Variants in DSCAM observed in about 807,000 individuals in gnomAD.
DSCAM encodes the protein cell adhesion molecule DSCAM.
A neutral mutation model predicts 217.7 loss-of-function variants in DSCAM; 47 were observed. The ratio of observed to expected loss-of-function variants is 0.22; its 90% CI spans 0.17 to 0.28. DSCAM has a LOEUF of 0.28. Among genes scored for constraint, DSCAM ranks in the 10% least tolerant of loss-of-function variants. DSCAM has a pLI of 1.00. For missense variants in DSCAM, 2,080 were observed against 2,618.3 expected, an observed-to-expected ratio of 0.79 and a Z score of 4.49; for synonymous variants, 1,056 against 1,015.3, an observed-to-expected ratio of 1.04 and a Z score of -0.76.
intron 3 of DSCAM, among the ~76,000 whole-genome samples, chr21:40,638,161 T>G (rs1281076841): frequency 6.6e-6 from 1 of 152,220 alleles, no homozygotes; most frequent in Non-Finnish European, 1.5e-5. Context: ...TTTGTCTTAA[T>G]CTTTGATTTG....
intron 3 of DSCAM, among the ~76,000 whole-genome samples, chr21:40,415,503 A>G (rs1231094488): frequency 6.6e-6 from 1 of 152,252 alleles, no homozygotes. Context: ...GATGCTGAGG[A>G]GTGAGACCAA....
chr21:40,589,487 A>G (rs2076969301), intron 3 of DSCAM, among the ~76,000 whole-genome samples: 1 of 152,140 alleles, frequency 6.6e-6, no homozygotes, highest in African/African-American at 2.4e-5. Flanking sequence ...GAAGCAGGAG[A>G]ATTGCTTGAA....
intron 1 of DSCAM, among the ~76,000 whole-genome samples, chr21:40,741,711 A>G (rs2091125903): frequency 6.6e-6 from 1 of 152,228 alleles, no homozygotes; most frequent in East Asian, 1.9e-4. Flanking sequence ...GTAATACTGC[A>G]GCCCCATCCA....
At chr21:40,771,657 G>C (rs958828354) in intron 1 of DSCAM, among the ~76,000 whole-genome samples, 3 of 152,164 alleles carry the variant, frequency 2.0e-5, no homozygotes, top group African/African-American at 7.2e-5. Context: ...TAAATCAAGA[G>C]CCAGCGAAAG....
At chr21:40,842,333 GGAAATCGAAGTGCTCATTTCC>G (rs1475252373) in intron 1 of DSCAM, among the ~76,000 whole-genome samples, 3 of 152,216 alleles carry the variant, frequency 2.0e-5, no homozygotes, top group Non-Finnish European at 4.4e-5. Flanking sequence ...TGGAAACCGA[GGAAATCGAAGTGCTCATTTCC>G]GAAATACTAT....
At chr21:40,677,003 G>C (rs1174191692) in intron 3 of DSCAM, among the ~76,000 whole-genome samples, 10 of 152,030 alleles carry the variant, frequency 6.6e-5, no homozygotes, top group Non-Finnish European at 1.5e-4. Flanking sequence ...CAATGATAGG[G>C]TTTCAATTCA....
rs561795728 is a variant in DSCAM at position 40,782,063 on chromosome 21, C to G, written c.43+64556G>C. 4.0e-5 allele frequency among the ~76,000 whole-genome samples: 6 copies of G among 150,966 alleles called. 1 individual carries two copies. The highest frequency in any genetic ancestry group is 2.0e-4 in the Admixed American group (3 of 15,174). ...GCGGGCGCCTGCAGTACCAACTACT[C>G]GGGAGGCTGAGGCAGGAGAATGGCG... On this transcript the variant is annotated intron_variant, in intron 1 of 32. Transcript: ENST00000400454.
At chr21:40,178,154 T>C (rs2090753285) in intron 15 of DSCAM, among the ~76,000 whole-genome samples, 1 of 152,218 alleles carries the variant, frequency 6.6e-6, no homozygotes, top group African/African-American at 2.4e-5. Context: ...TCATGGACCA[T>C]TGCCTGATTG....
chr21:40,487,273 CTG>C (rs1232285002), intron 3 of DSCAM, among the ~76,000 whole-genome samples: 3 of 150,616 alleles, frequency 2.0e-5, no homozygotes, highest in African/African-American at 4.9e-5. Context: ...CTCTCTCTCT[CTG>C]TGTGTGTGCA....
At chr21:40,252,595 G>A (rs902539581) in intron 11 of DSCAM, among the ~76,000 whole-genome samples, 1 of 152,150 alleles carries the variant, frequency 6.6e-6, no homozygotes, top group Non-Finnish European at 1.5e-5. Flanking sequence ...GGGAACCTGT[G>A]TAATTGTTAT....
In DSCAM at chr21:40,062,785, T is replaced by C. The variant is rs926153579; in HGVS notation, c.4919+84A>G. ...AGACATTATCAATTTCAGACTGCCA[T>C]TATTAAAAAAATAGAAATCATCAAG... On this transcript the variant is annotated intron_variant, in intron 28 of 32. Transcript: ENST00000400454. The C allele has an allele frequency of 2.3e-6, 3 of 1,302,186 alleles. No individual in the cohort carries two copies. In the African/African-American group the frequency reaches 4.6e-5, roughly 20 times the overall value. 80.7% of individuals were successfully genotyped at this position (1,302,186 alleles called of 1,614,324 possible).
intron 27 of DSCAM, among the ~76,000 whole-genome samples, chr21:40,074,645 T>A (rs2089338891): frequency 6.6e-6 from 1 of 152,178 alleles, no homozygotes; most frequent in South Asian, 2.1e-4. Flanking sequence ...AGCCCTCAAT[T>A]TCCACTTCCA....
intron 2 of DSCAM, among the ~76,000 whole-genome samples, chr21:40,695,151 T>G (rs1297074903): frequency 6.6e-6 from 1 of 152,124 alleles, no homozygotes; most frequent in Non-Finnish European, 1.5e-5. Context: ...AGGATAATTT[T>G]TAATAGAAAT....
chr21:40,504,527 A>T (rs375181618), intron 3 of DSCAM, among the ~76,000 whole-genome samples: 2 of 152,194 alleles, frequency 1.3e-5, no homozygotes, highest in African/African-American at 2.4e-5. Flanking sequence ...ACAAGCTTTA[A>T]CCTGTCAGCA....
chr21:40,286,485 T>C (rs113354569), intron 10 of DSCAM, among the ~76,000 whole-genome samples: 2,128 of 152,316 alleles, frequency 0.014, 52 homozygotes, highest in African/African-American at 0.048. Flanking sequence ...TTGGAGGACC[T>C]GAAAACTCAG....
At chr21:40,674,626 CTTTTTCTTT>C (rs2090315454) in intron 3 of DSCAM, among the ~76,000 whole-genome samples, 3 of 105,896 alleles carry the variant, frequency 2.8e-5, no homozygotes, top group Non-Finnish European at 1.8e-5. Flanking sequence ...TTTTCTTTTT[CTTTTTCTTT>C]TTTTTTTTTT....
chr21:40,671,672 G>A (rs1287583909), intron 3 of DSCAM, among the ~76,000 whole-genome samples: 3 of 116,486 alleles, frequency 2.6e-5, no homozygotes, highest in African/African-American at 3.6e-5. Flanking sequence ...CTAGGAAACA[G>A]AGCAAGATGA....
intron 11 of DSCAM, among the ~76,000 whole-genome samples, chr21:40,201,320 G>T (rs755941011): frequency 2.0e-5 from 3 of 151,634 alleles, no homozygotes; most frequent in Non-Finnish European, 4.4e-5. Flanking sequence ...TTAACCAAAA[G>T]ATATCAAAAA....
chr21:40,111,038 AC>A (rs1333280715), intron 20 of DSCAM, among the ~76,000 whole-genome samples: 1 of 152,234 alleles, frequency 6.6e-6, no homozygotes, highest in African/African-American at 2.4e-5. Context: ...AGGCAGGCCA[AC>A]ATTCAAATTC....
Sources: gnomAD v4.1 joint callset for allele counts (sites outside exome capture counted in the v4.1 genomes callset) on GRCh38, gnomAD v4.1.1 for gene constraint, MANE v1.5 for transcripts, NCBI Gene and HGNC (gene_info 2026-07-23, HGNC 2026-07-21) for gene names.